CNOT7: variants seen among roughly 807,000 people sequenced by gnomAD.
CNOT7 encodes the protein BTG1-binding factor 1.
CNOT7 carries 4 observed loss-of-function variants against 37.1 expected under a neutral mutation model. The observed-to-expected ratio is 0.11, with a 90% CI of 0.05 to 0.25. The LOEUF (loss-of-function observed/expected upper bound fraction) is 0.25. Ranked by LOEUF, CNOT7 falls within the 10% of genes least tolerant of loss-of-function variation. The pLI, the probability that CNOT7 is intolerant of heterozygous loss-of-function variation, is 1.00. For synonymous variants in CNOT7, 128 were observed against 115.6 expected (o/e 1.11, Z -0.69); for missense variants, 170 against 336.2 (o/e 0.51, Z 3.87).
In CNOT7 at chr8:17,229,988, G is replaced by A. The variant is rs1328530128; in HGVS notation, c.*732C>T. The A allele has an allele frequency of 6.6e-6, 1 of 152,206 alleles. No homozygotes were observed. Among genetic ancestry groups the A allele is most frequent in the African/African-American group, 2.4e-5 (1 of 41,348 alleles). 9.4% of individuals were successfully genotyped at this position (152,206 alleles called of 1,614,324 possible). On this transcript the variant is annotated 3_prime_UTR_variant, in exon 7 of 7. Transcript: ENST00000361272. ...CAATCACAAGGGATTTTTCCTGAAG[G>A]GTGTAAAGCTGGTTTGAAAATTCTT... is the stretch of plus-strand genomic sequence containing the variant.
At chr8:17,246,414 G>A (rs181216820) in intron 1 of CNOT7, 49 of 153,168 alleles carry the variant, frequency 3.2e-4, no homozygotes, top group African/African-American at 1.1e-3. Flanking sequence ...TGAGGATCTA[G>A]GCCACCGCCC....
chr8:17,232,535 A>C lies in CNOT7; in HGVS notation c.621T>G (p.Gly207=). The C allele has an allele frequency of 6.2e-7, 1 of 1,602,788 alleles. No individual in the cohort carries two copies. Among genetic ancestry groups the C allele is most frequent in the Non-Finnish European group, 8.5e-7 (1 of 1,177,434 alleles). The change falls in exon 6 of 7, where the codon GGT becomes GGG. Residue 207 remains glycine (G), a splice_region_variant and synonymous_variant. Transcript: ENST00000361272. ...ACTGTTCTGCCACCTCCTGTAATCC[A>C]CCCTAGAAAAAATAAAAAATTGCTT... ...YLMKSCKNLK[G]GLQEVAEQLE...
rs533237463 is a variant in CNOT7, at chr8:17,227,822, T to C, written c.*2898A>G. The C allele has an allele frequency of 3.3e-5, 5 of 151,992 alleles. No individual in the cohort carries two copies. In the East Asian group the frequency reaches 9.7e-4, roughly 29 times the overall value. 9.4% of individuals were successfully genotyped at this position (151,992 alleles called of 1,614,324 possible). A position where few individuals can be genotyped will look rare whatever the true frequency, so the allele number is the denominator to read the frequency against. On this transcript the variant is annotated 3_prime_UTR_variant, in exon 7 of 7. Coordinates refer to ENST00000361272, the MANE Select transcript of CNOT7 (RefSeq NM_013354.7). ...GCCTTGAAAGTGTAACATTCAAAGG[T>C]ACTTTTCTTGTTCTGAGATACAGGG...
intron 6 of CNOT7, 52 bp from the exon 7 acceptor site, chr8:17,230,900 C>T (rs1200130174): frequency 2.2e-6 from 3 of 1,333,714 alleles, no homozygotes; most frequent in Admixed American, 4.3e-5. Flanking sequence ...CAAAAGGAAC[C>T]ACTTGTAATT....
intron 5 of CNOT7, chr8:17,234,485 C>T (rs1388920068): frequency 4.2e-6 from 2 of 479,268 alleles, no homozygotes; most frequent in East Asian, 3.9e-5. Flanking sequence ...CGGACCTAAG[C>T]CTGAAATGTG....
At chr8:17,244,284 C>T (rs1810587059) in intron 2 of CNOT7, 1 of 152,480 alleles carries the variant, frequency 6.6e-6, no homozygotes, top group African/African-American at 2.4e-5. Context: ...AGCAGAGTTG[C>T]TTAGTAACAC....
rs1808398667 is a variant in CNOT7 at position 17,229,756 on chromosome 8, C to CTT, written c.*963_*964insAA. The CTT allele has an allele frequency of 6.6e-6, 1 of 151,164 alleles. No individual in the cohort carries two copies. The highest frequency in any genetic ancestry group is 2.4e-5 in the African/African-American group (1 of 41,014). 9.4% of individuals were successfully genotyped at this position (151,164 alleles called of 1,614,324 possible). A position where few individuals can be genotyped will look rare whatever the true frequency, so the allele number is the denominator to read the frequency against. On this transcript the variant is annotated 3_prime_UTR_variant, in exon 7 of 7. Coordinates refer to ENST00000361272, the MANE Select transcript of CNOT7 (RefSeq NM_013354.7). ...TAATTTAATTTGGTACAAAATATACCTAAAGACTTATCTTTGGATTTTTAA... is the reference window on the plus strand; with the variant it reads ...TAATTTAATTTGGTACAAAATATACCTTTAAAGACTTATCTTTGGATTTTTAA...
intron 2 of CNOT7, 123 bp downstream of exon 2, chr8:17,244,913 A>G: frequency 1.2e-6 from 1 of 836,624 alleles, no homozygotes; most frequent in Non-Finnish European, 1.9e-6. Flanking sequence ...GCAGTGACAA[A>G]TTTTACTTTT....
intron 2 of CNOT7, 79 bp downstream of exon 2, chr8:17,244,957 A>C (rs1171269314): frequency 1.7e-6 from 2 of 1,168,210 alleles, no homozygotes; most frequent in African/African-American, 3.1e-5. Flanking sequence ...ATATCAACCA[A>C]AAGGGTTGAA....
chr8:17,243,875 A>T (rs929178788), intron 2 of CNOT7, among the ~76,000 whole-genome samples: 30 of 152,346 alleles, frequency 2.0e-4, no homozygotes, highest in African/African-American at 6.7e-4. Context: ...ATCTACAAAG[A>T]AACAGTCATA....
At chr8:17,236,349 A>G (rs1323759959) in intron 4 of CNOT7, among the ~76,000 whole-genome samples, 1 of 152,212 alleles carries the variant, frequency 6.6e-6, no homozygotes, top group Non-Finnish European at 1.5e-5. Flanking sequence ...AAAAGCCAAT[A>G]TCATTCTGAA....
intron 2 of CNOT7, chr8:17,243,680 A>C (rs1012892175): frequency 4.4e-6 from 2 of 455,972 alleles, no homozygotes; most frequent in Non-Finnish European, 8.8e-6. Flanking sequence ...TTCTCTCTAT[A>C]GTCCACAGAA....
At position 17,234,734 on chromosome 8, in the gene CNOT7, C is replaced by T. The variant is rs200960433; in HGVS notation, c.600G>A (p.Lys200=). Residue 200 remains lysine (K), a synonymous_variant, in exon 5 of 7, where the codon AAG becomes AAA. Coordinates refer to ENST00000361272, the MANE Select transcript of CNOT7 (RefSeq NM_013354.7). The part of the protein sequence containing the change: ...PVIYDVKYLM[K]SCKNLKGGLQ... ...GCCTTACTTTGAGATTTTTGCAGCT[C>T]TTCATGAGGTACTTCACATCATAAA... The T allele has an allele frequency of 2.2e-4, 355 of 1,613,992 alleles. 2 individuals carry two copies. Among genetic ancestry groups the T allele is most frequent in the Non-Finnish European group, 6.4e-5 (76 of 1,179,966 alleles).
At position 17,245,573 on chromosome 8, in the gene CNOT7, A is replaced by G. The variant is rs76986590; in HGVS notation, c.-95-326T>C. On this transcript the variant is annotated intron_variant, in intron 1 of 6. Coordinates refer to ENST00000361272, the MANE Select transcript of CNOT7 (RefSeq NM_013354.7). Reference sequence around the variant, plus strand: ...ACTTTATAAAGCCATCCATTTCCAGACAAAAAATGAAAAATTACTTATTTA... The same window carrying G: ...ACTTTATAAAGCCATCCATTTCCAGGCAAAAAATGAAAAATTACTTATTTA... Among the ~76,000 whole-genome samples the G allele has an allele frequency of 2.0e-3, 304 of 152,350 alleles. 1 individual carries two copies. Among genetic ancestry groups the G allele is most frequent in the Non-Finnish European group, 2.2e-3 (147 of 68,032 alleles).
chr8:17,234,281 G>C (rs951976323), intron 5 of CNOT7, among the ~76,000 whole-genome samples: 3 of 152,096 alleles, frequency 2.0e-5, no homozygotes, highest in Non-Finnish European at 4.4e-5. Flanking sequence ...AAGCCAAAAG[G>C]AAAGAAAAAC....
At chr8:17,240,344 A>T (rs1254782557) in intron 3 of CNOT7, among the ~76,000 whole-genome samples, 1 of 145,686 alleles carries the variant, frequency 6.9e-6, no homozygotes, top group Non-Finnish European at 1.5e-5. Context: ...TTCTTAAAAC[A>T]TTTTGAGATT....
chr8:17,245,290 T>C (rs1229911554), intron 1 of CNOT7, 43 bp from the exon 2 acceptor site: 1 of 844,464 alleles, frequency 1.2e-6, no homozygotes, highest in Non-Finnish European at 1.7e-6. Flanking sequence ...ATATATCAAA[T>C]CTGAATCACA....
intron 5 of CNOT7, 147 bp downstream of exon 5, chr8:17,234,568 GA>G (rs892270656): frequency 1.7e-5 from 14 of 838,716 alleles, no homozygotes; most frequent in Admixed American, 9.4e-5. Flanking sequence ...ATGTATGCAA[GA>G]AAAAAAATCA....
intron 6 of CNOT7, chr8:17,231,683 C>G (rs2150968914): frequency 1.0e-6 from 1 of 985,282 alleles, no homozygotes; most frequent in South Asian, 4.7e-5. Context: ...TTTGCACAAC[C>G]AATTTTCCTG....
Sources: gnomAD v4.1 joint callset for allele counts (sites outside exome capture counted in the v4.1 genomes callset) on GRCh38, gnomAD v4.1.1 for gene constraint, MANE v1.5 for transcripts, NCBI Gene and HGNC (gene_info 2026-07-23, HGNC 2026-07-21) for gene names.